ASTN2: variants seen among roughly 807,000 people sequenced by gnomAD.
ASTN2 encodes the protein astrotactin 2.
A neutral mutation model predicts 139.8 loss-of-function variants in ASTN2; 54 were observed. The observed-to-expected ratio is 0.39, with a 90% CI of 0.31 to 0.48. ASTN2 has a LOEUF of 0.48. Among genes scored for constraint, ASTN2 ranks in the 20% least tolerant of loss-of-function variants. ASTN2 has a pLI of 0.95. For synonymous variants in ASTN2, 756 were observed against 719.5 expected, an observed-to-expected ratio of 1.05 and a Z score of -0.81; for missense variants, 1,565 against 1,725.1, an observed-to-expected ratio of 0.91 and a Z score of 1.64.
intron 1 of ASTN2, among the ~76,000 whole-genome samples, chr9:117,381,692 CT>C (rs1202145464): frequency 1.3e-5 from 2 of 152,148 alleles, no homozygotes; most frequent in Admixed American, 1.3e-4. Context: ...AATTAAACCT[CT>C]TTTCTTATAA....
intron 16 of ASTN2, among the ~76,000 whole-genome samples, chr9:116,667,229 T>C (rs780256567): frequency 1.6e-4 from 24 of 152,090 alleles, no homozygotes; most frequent in Admixed American, 2.6e-4. Context: ...GTGCTGGGAT[T>C]ACAGGCGTGA....
At chr9:117,279,984 T>C (rs944276577) in intron 2 of ASTN2, among the ~76,000 whole-genome samples, 2 of 152,194 alleles carry the variant, frequency 1.3e-5, no homozygotes, top group African/African-American at 4.8e-5. Context: ...TCCACTAATG[T>C]TTTTATTTTG....
chr9:116,818,555 C>T (rs1831399938), intron 12 of ASTN2, among the ~76,000 whole-genome samples: 1 of 152,042 alleles, frequency 6.6e-6, no homozygotes. Flanking sequence ...AACAGCTCAC[C>T]ACACACTCTC....
At chr9:117,287,206 A>T (rs1439580960) in intron 2 of ASTN2, among the ~76,000 whole-genome samples, 1 of 152,228 alleles carries the variant, frequency 6.6e-6, no homozygotes, top group Non-Finnish European at 1.5e-5. Context: ...CTAGAAAAAA[A>T]ATCTCTAAGT....
At chr9:117,245,085 A>G (rs2133080711) in intron 2 of ASTN2, among the ~76,000 whole-genome samples, 1 of 152,202 alleles carries the variant, frequency 6.6e-6, no homozygotes, top group African/African-American at 2.4e-5. Context: ...ACTAAAAAAA[A>G]GAGCTCGATT....
At chr9:116,531,060 TA>T (rs566030937) in intron 19 of ASTN2, among the ~76,000 whole-genome samples, 58 of 152,354 alleles carry the variant, frequency 3.8e-4, no homozygotes, top group African/African-American at 1.4e-3. Context: ...ATTCAATTAC[TA>T]TGTATTAATG....
intron 17 of ASTN2, 43 bp from the exon 18 acceptor site, chr9:116,620,486 G>C (rs763611244): frequency 1.1e-5 from 17 of 1,612,142 alleles, no homozygotes; most frequent in East Asian, 2.2e-5. Context: ...ATGACAACAG[G>C]GGAGAGATTG....
chr9:116,753,506 G>A (rs1223785237), intron 13 of ASTN2, among the ~76,000 whole-genome samples: 2 of 152,104 alleles, frequency 1.3e-5, no homozygotes, highest in South Asian at 2.1e-4. Flanking sequence ...AATTGGGGAC[G>A]TTAGCAACTA....
At chr9:116,935,287 A>G (rs964199670) in intron 10 of ASTN2, among the ~76,000 whole-genome samples, 7 of 152,220 alleles carry the variant, frequency 4.6e-5, no homozygotes, top group Non-Finnish European at 1.0e-4. Context: ...AGTTCTATAT[A>G]CCAGAATATG....
intron 22 of ASTN2, among the ~76,000 whole-genome samples, chr9:116,435,541 C>T (rs994313270): frequency 6.6e-6 from 1 of 152,150 alleles, no homozygotes; most frequent in Non-Finnish European, 1.5e-5. Context: ...TCTTTCACTT[C>T]GAACTCTCTT....
At chr9:116,492,180 C>T (rs1450762872) in intron 19 of ASTN2, among the ~76,000 whole-genome samples, 3 of 151,754 alleles carry the variant, frequency 2.0e-5, no homozygotes, top group African/African-American at 4.8e-5. Flanking sequence ...CTCCCGGGTT[C>T]AAGCAACTCT....
chr9:116,646,668 C>T (rs1034626125), intron 17 of ASTN2, among the ~76,000 whole-genome samples: 3 of 152,090 alleles, frequency 2.0e-5, no homozygotes, highest in Non-Finnish European at 4.4e-5. Flanking sequence ...TTAAACAGGC[C>T]TTTCATTTGT....
rs71379248 is a variant in ASTN2, at chr9:116,999,548, C to CTTTTTTTTTT, written c.1591+8534_1591+8543dup. 6.7e-4 allele frequency among the ~76,000 whole-genome samples: 64 copies of CTTTTTTTTTT among 94,948 alleles called. 3 individuals are homozygous for CTTTTTTTTTT. The highest frequency in any genetic ancestry group is 1.1e-3 in the South Asian group (2 of 1,838). 62.3% of individuals were successfully genotyped at this position (94,948 alleles called of 152,430 possible). A position where few individuals can be genotyped will look rare whatever the true frequency, so the allele number is the denominator to read the frequency against. On this transcript the variant is annotated intron_variant, in intron 7 of 22. Coordinates refer to ENST00000313400, the MANE Select transcript of ASTN2 (RefSeq NM_001365068.1). ...TTCCTCTTTCTTTCTTTCTCTCTTT[C>CTTTTTTTTTT]TTTTTTTTTTTTTTTTTTTTTTTTT... is the stretch of plus-strand genomic sequence containing the variant.
intron 1 of ASTN2, among the ~76,000 whole-genome samples, chr9:117,404,858 AAAAG>A (rs1168920657): frequency 1.3e-5 from 2 of 152,162 alleles, no homozygotes; most frequent in Non-Finnish European, 2.9e-5. Context: ...AGGGGGAAAA[AAAAG>A]AAGGAAAGGG....
chr9:116,694,714 G>A (rs189523962), intron 16 of ASTN2, among the ~76,000 whole-genome samples: 82 of 147,920 alleles, frequency 5.5e-4, no homozygotes, highest in Non-Finnish European at 8.9e-4. Flanking sequence ...CTCATGATTC[G>A]CCCACCTCAG....
chr9:116,558,628 G>A (rs1852752404), intron 19 of ASTN2, among the ~76,000 whole-genome samples: 1 of 152,128 alleles, frequency 6.6e-6, no homozygotes, highest in Admixed American at 6.5e-5. Flanking sequence ...GTCCGGAAAA[G>A]TCATGTTTCC....
chr9:116,961,113 G>T (rs935947050), intron 10 of ASTN2, among the ~76,000 whole-genome samples: 1 of 152,112 alleles, frequency 6.6e-6, no homozygotes, highest in Non-Finnish European at 1.5e-5. Flanking sequence ...TAATTTGCTA[G>T]AACTGGCAGG....
intron 4 of ASTN2, among the ~76,000 whole-genome samples, chr9:117,100,194 A>G (rs1828942301): frequency 6.6e-6 from 1 of 152,202 alleles, no homozygotes; most frequent in Non-Finnish European, 1.5e-5. Context: ...CCACACCCCT[A>G]TAACTACCAT....
intron 2 of ASTN2, among the ~76,000 whole-genome samples, chr9:117,281,768 T>C (rs939705948): frequency 2.0e-5 from 3 of 152,036 alleles, no homozygotes; most frequent in Non-Finnish European, 2.9e-5. Flanking sequence ...CCTTCCCTTC[T>C]CCCAGACTCC....
Sources: gnomAD v4.1 joint callset for allele counts (sites outside exome capture counted in the v4.1 genomes callset) on GRCh38, gnomAD v4.1.1 for gene constraint, MANE v1.5 for transcripts, NCBI Gene and HGNC (gene_info 2026-07-23, HGNC 2026-07-21) for gene names.